The following H2BW2 variants were observed in gnomAD, a reference collection of about 807,000 sequenced individuals.
H2BW2 encodes histone H2B type F-M.
A neutral mutation model predicts 9.2 loss-of-function variants in H2BW2; 8 were observed. That is an observed-to-expected ratio of 0.87 (90% CI 0.51 to 1.57). H2BW2 has a LOEUF of 1.57. Ranked by LOEUF, H2BW2 falls within the 40% of genes most tolerant of loss-of-function variation. The pLI is 0.00. For synonymous variants in H2BW2, 80 were observed against 56.8 expected, an observed-to-expected ratio of 1.41 and a Z score of -1.84; for missense variants, 193 against 137.3, an observed-to-expected ratio of 1.41 and a Z score of -2.03.
At chrX:104,040,544 G>A (rs782386878) in intron 1 of H2BW2, 140 bp downstream of exon 1, 9 of 590,685 alleles carry the variant, frequency 1.5e-5, no homozygotes, top group Non-Finnish European at 2.3e-5. Flanking sequence ...TGGTGTGGGT[G>A]GCACCGTTCC....
In H2BW2 at chrX:104,040,301, C is replaced by A. The variant is rs782631051; in HGVS notation, c.307C>A (p.Arg103Ser). 4 of 1,197,293 alleles carry A rather than the reference C, an allele frequency of 3.3e-6. No homozygotes were observed. Among genetic ancestry groups the A allele is most frequent in the Non-Finnish European group, 4.5e-6 (4 of 888,067 alleles). ...EAGQLAHYTK[R>S]VTITSRDIQM... Reference sequence around the variant, plus strand: ...TGGTCAGCTGGCCCATTACACCAAGCGCGTGACCATCACCTCCCGGGACAT... The same window carrying A: ...TGGTCAGCTGGCCCATTACACCAAGAGCGTGACCATCACCTCCCGGGACAT... The change falls in exon 1 of 4, where the codon CGC (arginine) becomes AGC (serine). Residue 103 changes from arginine (R) to serine (S), a missense_variant. Coordinates refer to ENST00000675318, the MANE Select transcript of H2BW2 (RefSeq NM_001388464.1).
chrX:104,040,717 C>T, intron 1 of H2BW2, 111 bp from the exon 2 acceptor site: 2 of 522,523 alleles, frequency 3.8e-6, no homozygotes, highest in South Asian at 2.6e-5. Flanking sequence ...TCCCAAATGG[C>T]CGTTTTTCTT....
chrX:104,042,041 G>C (rs1187906552), intron 3 of H2BW2, 71 bp from the exon 4 acceptor site: 44 of 112,139 alleles, frequency 3.9e-4, no homozygotes, highest in African/African-American at 1.4e-3. Context: ...AGCTCCACTT[G>C]GGATCCATAG....
intron 1 of H2BW2, 81 bp downstream of exon 1, chrX:104,040,485 G>T: frequency 1.1e-6 from 1 of 947,444 alleles, no homozygotes; most frequent in Non-Finnish European, 1.4e-6. Flanking sequence ...ACCACCGCCC[G>T]TGGCCCTATA....
chrX:104,040,684 A>C, intron 1 of H2BW2, 144 bp from the exon 2 acceptor site: 1 of 508,317 alleles, frequency 2.0e-6, no homozygotes, highest in Non-Finnish European at 3.5e-6. Flanking sequence ...GTGTTTCCGT[A>C]ATCGTGTTTC....
intron 3 of H2BW2, chrX:104,041,626 T>C (rs1350048041): frequency 8.9e-6 from 1 of 111,768 alleles, no homozygotes; most frequent in Non-Finnish European, 1.9e-5. Context: ...TGATTTCCAG[T>C]CGCCCGAGTA....
chrX:104,041,273 G>T, intron 3 of H2BW2, 167 bp downstream of exon 3: 1 of 148,263 alleles, frequency 6.7e-6, no homozygotes, highest in Non-Finnish European at 1.3e-5. Context: ...TATTCAACCT[G>T]GTGTTTAAAG....
intron 1 of H2BW2, 27 bp from the exon 2 acceptor site, chrX:104,040,801 C>T (rs782131384): frequency 1.5e-6 from 1 of 669,521 alleles, no homozygotes; most frequent in East Asian, 3.2e-5. Context: ...TCTCATTCTC[C>T]TACGACTGGA....
chrX:104,041,154 C>T (rs1406943984), intron 3 of H2BW2, 48 bp downstream of exon 3: 2 of 353,524 alleles, frequency 5.7e-6, no homozygotes, highest in Non-Finnish European at 1.0e-5. Flanking sequence ...AGCTCATGCC[C>T]TAGTGTACAG....
Position 104,040,213 on chromosome X carries a change from G to A in H2BW2, c.219G>A (p.Gln73=), listed in dbSNP as rs1556343803. ...TTCACCAGGGCCTCAGCCTTTCCCA[G>A]GAGGCCGTGAGTGTCATGGATTCTA... ...KQVHQGLSLS[Q]EAVSVMDSMI... The change falls in exon 1 of 4, where the codon CAG becomes CAA. Residue 73 remains glutamine, a synonymous_variant. Transcript: ENST00000675318. 5.0e-6 allele frequency: 6 copies of A among 1,190,986 alleles called. No individual in the cohort carries two copies. In the South Asian group the frequency reaches 5.6e-5, roughly 11 times the overall value.
At chrX:104,040,973 C>T in intron 2 of H2BW2, 87 bp downstream of exon 2, 1 of 959,118 alleles carries the variant, frequency 1.0e-6, no homozygotes, top group South Asian at 2.6e-5. Context: ...ATATATATGG[C>T]TAAATAAAAT....
Position 104,040,091 on chromosome X carries a change from C to G in H2BW2, c.97C>G (p.Arg33Gly). The G allele has an allele frequency of 6.0e-6, 7 of 1,164,190 alleles. No homozygotes were observed. Among genetic ancestry groups the G allele is most frequent in the Non-Finnish European group, 8.0e-6 (7 of 871,374 alleles). Residue 33 changes from arginine to glycine, a missense_variant, in exon 1 of 4, where the codon CGA (arginine) becomes GGA (glycine). Arg to Gly is a moderately radical substitution (Grantham distance 125, BLOSUM62 -2). Coordinates refer to ENST00000675318, the MANE Select transcript of H2BW2 (RefSeq NM_001388464.1). ...CACGAAGGCCCAGAAGCAGAAGAGG[C>G]GAGGGTGCCGAGGCTCCCGCAGGCG... ...NSTKAQKQKR[R>G]GCRGSRRRHA...
Position 104,040,341 on chromosome X carries a change from G to T in H2BW2, c.347G>T (p.Arg116Leu), listed in dbSNP as rs782774088. The T allele has an allele frequency of 8.4e-6, 10 of 1,188,477 alleles. No individual in the cohort carries two copies. In the South Asian group the frequency reaches 1.9e-4, roughly 22 times the overall value. Residue 116 changes from arginine to leucine, a missense_variant, in exon 1 of 4, where the codon CGA (arginine) becomes CTA (leucine). By Grantham distance (102) the Arg-to-Leu change is moderately radical (BLOSUM62 -2). Coordinates refer to ENST00000675318, the MANE Select transcript of H2BW2 (RefSeq NM_001388464.1). ...TCCCGGGACATCCAGATGGCCGTGC[G>T]ACTGCTGCTGCCGGGGAAGATGGGC... ...ITSRDIQMAV[R>L]LLLPGKMGKL...
At chrX:104,041,020 C>A in intron 2 of H2BW2, 68 bp from the exon 3 acceptor site, 1 of 576,399 alleles carries the variant, frequency 1.7e-6, no homozygotes, top group Non-Finnish European at 2.7e-6. Context: ...TTCCCCGACT[C>A]TGAGACCACT....
rs2075202608 is a variant in H2BW2 at position 104,041,150 on chromosome X, T to C, written c.*41+44T>C. ...ACGGAGTGTCCACGGAAACAGCTCA[T>C]GCCCTAGTGTACAGTGGTACAGCCA... is the stretch of plus-strand genomic sequence containing the variant. On this transcript the variant is annotated intron_variant, in intron 3 of 3. Transcript: ENST00000675318. The C allele has an allele frequency of 1.1e-5, 4 of 361,556 alleles. No homozygotes were observed. The South Asian group carries it at 1.1e-4, about 10-fold the overall frequency. 29.8% of individuals were successfully genotyped at this position (361,556 alleles called of 1,213,427 possible).
In H2BW2 at chrX:104,042,423, C is replaced by G. The variant is rs1400599922; in HGVS notation, c.*353C>G. The G allele has an allele frequency of 8.9e-6, 1 of 112,818 alleles. No individual in the cohort carries two copies. The highest frequency in any genetic ancestry group is 2.7e-4 in the East Asian group (1 of 3,637). 9.3% of individuals were successfully genotyped at this position (112,818 alleles called of 1,213,427 possible). On this transcript the variant is annotated 3_prime_UTR_variant, in exon 4 of 4. Transcript: ENST00000675318. ...ATGCCAATGTTTCTGTGAATTAAGA[C>G]ATACGAATAAATTTCTGAAGTTACC...
chrX:104,041,883 CA>C (rs1261097032), intron 3 of H2BW2: 1 of 111,817 alleles, frequency 8.9e-6, no homozygotes, highest in Non-Finnish European at 1.9e-5. Flanking sequence ...GGGAAAGAAC[CA>C]CCCCAGAGGG....
Position 104,040,144 on chromosome X carries a change from C to T in H2BW2, c.150C>T (p.Phe50=), listed in dbSNP as rs184243088. ...ACGCCAACCGCCGTGGGGACAGCTT[C>T]GGGGACAGCTTCACCCCCTATTTCC... is the stretch of plus-strand genomic sequence containing the variant. ...RRHANRRGDS[F]GDSFTPYFPR... Residue 50 remains phenylalanine, a synonymous_variant, in exon 1 of 4, where the codon TTC becomes TTT. Transcript: ENST00000675318. 366 of 1,178,981 alleles carry T rather than the reference C, an allele frequency of 3.1e-4. 3 individuals are homozygous for T. The East Asian group carries it at 6.6e-3, about 21-fold the overall frequency.
In H2BW2 at chrX:104,040,287, C is replaced by T. The variant is rs782012851; in HGVS notation, c.293C>T (p.Ala98Val). Residue 98 changes from alanine to valine, a missense_variant, in exon 1 of 4, where the codon GCC becomes GTC. Ala to Val is a moderately conservative substitution (Grantham distance 64, BLOSUM62 0). Transcript: ENST00000675318. ...ATCGCCACCGAGGCTGGTCAGCTGG[C>T]CCATTACACCAAGCGCGTGACCATC... ...DRIATEAGQLAHYTKRVTITS... is the reference protein window; with the variant it reads ...DRIATEAGQLVHYTKRVTITS... 4.2e-6 allele frequency: 5 copies of T among 1,194,572 alleles called. No individual in the cohort carries two copies. In the East Asian group the frequency reaches 1.5e-4, roughly 36 times the overall value.
Sources: gnomAD v4.1 joint callset for allele counts on GRCh38, gnomAD v4.1.1 for gene constraint, MANE v1.5 for transcripts, NCBI Gene and HGNC (gene_info 2026-07-23, HGNC 2026-07-21) for gene names.